The following MVD variants were observed in gnomAD, a reference collection of about 807,000 sequenced individuals.
The protein encoded by MVD is mevalonate diphosphate decarboxylase.
Under a neutral mutation model 42.4 loss-of-function variants are expected in MVD, and 52 were observed. The observed-to-expected ratio is 1.23, with a 90% confidence interval of 0.98 to 1.55. MVD has a LOEUF of 1.55. Among genes scored for constraint, MVD ranks in the 40% most tolerant of loss-of-function variants. The probability of loss-of-function intolerance (pLI) is 0.00; values close to 1 mark genes in which losing one functional copy is unlikely to be tolerated. For synonymous variants in MVD, 287 were observed against 243.2 expected, an observed-to-expected ratio of 1.18 and a Z score of -1.68; for missense variants, 663 against 572.1, an observed-to-expected ratio of 1.16 and a Z score of -1.62.
chr16:88,653,278 C>T, intron 9 of MVD, 22 bp downstream of exon 9: 1 of 1,578,782 alleles, frequency 6.3e-7, no homozygotes, highest in Non-Finnish European at 8.6e-7. Context: ...CCCCGGGGTA[C>T]TGGGTGAGCC....
At chr16:88,653,016 C>T (rs1296574137) in intron 9 of MVD, among the ~76,000 whole-genome samples, 3 of 152,116 alleles carry the variant, frequency 2.0e-5, no homozygotes, top group Admixed American at 1.3e-4. Context: ...GCCCCCACCC[C>T]AGGCGCTCCC....
chr16:88,654,947 C>A, intron 7 of MVD, 140 bp from the exon 8 acceptor site: 1 of 921,318 alleles, frequency 1.1e-6, no homozygotes, highest in East Asian at 2.6e-5. Flanking sequence ...GGAGCTGTGA[C>A]CCCAAGTGCC....
chr16:88,656,053 A>T, intron 5 of MVD, 52 bp downstream of exon 5: 89 of 1,441,530 alleles, frequency 6.2e-5, no homozygotes, highest in Non-Finnish European at 8.0e-5. Context: ...AGCAGCCCTG[A>T]CTAGGGACAG....
intron 2 of MVD, among the ~76,000 whole-genome samples, chr16:88,658,371 C>T (rs1003364245): frequency 3.3e-5 from 5 of 152,144 alleles, no homozygotes; most frequent in South Asian, 4.1e-4. Context: ...ACAGACACTG[C>T]GTGCTGGCTG....
chr16:88,656,389 A>T, intron 4 of MVD, 85 bp from the exon 5 acceptor site: 1 of 1,409,686 alleles, frequency 7.1e-7, no homozygotes, highest in African/African-American at 1.4e-5. Flanking sequence ...AACGTCCCAC[A>T]CCCCACGGCA....
intron 4 of MVD, chr16:88,656,869 G>C (rs1308634449): frequency 7.4e-6 from 2 of 271,170 alleles, no homozygotes; most frequent in East Asian, 2.1e-4. Context: ...TGGAGTTGAG[G>C]GGTGAAGATG....
rs145441544 is a variant in MVD, at chr16:88,653,347, C to T, written c.1075G>A (p.Ala359Thr). Residue 359 changes from alanine to threonine, a missense_variant, in exon 9 of 10, where the codon GCC becomes ACC. Physicochemically the swap from Ala to Thr is moderately conservative, Grantham distance 58 (BLOSUM62 0). Coordinates refer to ENST00000301012, the MANE Select transcript of MVD (RefSeq NM_002461.3). ...ACCCCACCGGGGGTCGGCTCCATGG[C>T]CAGCGCAGCCTGAAGCTCAGCTGAG... Reference protein sequence around the residue: ...PLSAELQAALAMEPTPGGVKY... With the variant: ...PLSAELQAALTMEPTPGGVKY... 1 of 1,599,068 alleles carries T rather than the reference C, an allele frequency of 6.3e-7. No homozygotes were observed. The highest frequency in any genetic ancestry group is 1.1e-5 in the South Asian group (1 of 89,140).
chr16:88,658,927 C>T (rs1171028919), intron 1 of MVD: 2 of 572,430 alleles, frequency 3.5e-6, no homozygotes, highest in East Asian at 6.0e-5. Context: ...CAGAGCAGAG[C>T]TGGAGGCCAG....
In MVD at chr16:88,652,623, T is replaced by C. The variant is rs918451361; in HGVS notation, c.1123-18A>G. The C allele has an allele frequency of 1.3e-6, 2 of 1,549,420 alleles. No individual in the cohort carries two copies. Among genetic ancestry groups the C allele is most frequent in the African/African-American group, 2.7e-5 (2 of 73,182 alleles). On this transcript the variant is annotated intron_variant, in intron 9 of 9. Transcript: ENST00000301012. ...GGCCCCACCTGGGGATAGAAATCCATGTCAGGTCACCAGGAATGGCAGCGC... is the reference window on the plus strand; with the variant it reads ...GGCCCCACCTGGGGATAGAAATCCACGTCAGGTCACCAGGAATGGCAGCGC...
intron 2 of MVD, among the ~76,000 whole-genome samples, chr16:88,658,277 C>T (rs1908070336): frequency 2.6e-5 from 4 of 152,100 alleles, no homozygotes; most frequent in Admixed American, 2.6e-4. Flanking sequence ...CCAGGGGAGC[C>T]CCTGGGGCAC....
chr16:88,652,466 T>G lies in MVD; in HGVS notation c.*59A>C. 1.3e-6 allele frequency: 2 copies of G among 1,530,916 alleles called. No individual in the cohort carries two copies. Among genetic ancestry groups the G allele is most frequent in the Non-Finnish European group, 1.8e-6 (2 of 1,130,078 alleles). 94.8% of individuals were successfully genotyped at this position (1,530,916 alleles called of 1,614,324 possible). On this transcript the variant is annotated 3_prime_UTR_variant, in exon 10 of 10. Coordinates refer to ENST00000301012, the MANE Select transcript of MVD (RefSeq NM_002461.3). ...AGTCCGGCCAGCCCACCACATCCGC[T>G]CCCTAGCTCCGGCGAGGCCACCCCT...
chr16:88,652,526 C>T lies in MVD; in HGVS notation c.1202G>A (p.Ter401=). The change falls in exon 10 of 10, where the codon TGA becomes TAA. Residue 401 remains the stop codon, a stop_retained_variant. Transcript: ENST00000301012. Reference sequence around the variant, plus strand: ...GGCATGCGGTCCCTGCTGAGGCAGTCAGGCAGCTGGCTTCGGCAGGCCGTC... The same window carrying T: ...GGCATGCGGTCCCTGCTGAGGCAGTTAGGCAGCTGGCTTCGGCAGGCCGTC... ...GPDGLPKPAA[*] 1.3e-6 allele frequency: 2 copies of T among 1,569,842 alleles called. No homozygotes were observed. Among genetic ancestry groups the T allele is most frequent in the Non-Finnish European group, 1.7e-6 (2 of 1,157,296 alleles).
intron 4 of MVD, chr16:88,656,919 G>A (rs1907964959): frequency 3.1e-6 from 1 of 321,558 alleles, no homozygotes; most frequent in South Asian, 2.4e-5. Context: ...CTGACAGTGG[G>A]TGGGAAGCTG....
Position 88,652,555 on chromosome 16 carries a change from A to T in MVD, c.1173T>A (p.Gly391=), listed in dbSNP as rs756603121. 5 of 1,572,812 alleles carry T rather than the reference A, an allele frequency of 3.2e-6. No homozygotes were observed. In the East Asian group the frequency reaches 9.4e-5, roughly 29 times the overall value. The change falls in exon 10 of 10, where the codon GGT becomes GGA. Residue 391 remains glycine, a synonymous_variant. Transcript: ENST00000301012. ...ILDDPCAHLL[G]PDGLPKPAA ...CAGCTGGCTTCGGCAGGCCGTCAGG[A>T]CCCAGGAGGTGGGCGCAGGGGTCAT...
In MVD at chr16:88,652,558, C is replaced by A; in HGVS notation, c.1170G>T (p.Leu390=). 6.4e-7 allele frequency: 1 copy of A among 1,572,936 alleles called. No individual in the cohort carries two copies. Among genetic ancestry groups the A allele is most frequent in the Non-Finnish European group, 8.6e-7 (1 of 1,159,124 alleles). The change falls in exon 10 of 10, where the codon CTG becomes CTT. Residue 390 remains leucine, a synonymous_variant. Coordinates refer to ENST00000301012, the MANE Select transcript of MVD (RefSeq NM_002461.3). ...QILDDPCAHL[L]GPDGLPKPAA is the part of the protein sequence containing the mutation. ...CTGGCTTCGGCAGGCCGTCAGGACC[C>A]AGGAGGTGGGCGCAGGGGTCATCCA...
Position 88,661,438 on chromosome 16 carries a change from G to T in MVD, c.70+1573C>A, listed in dbSNP as rs145593436. ...GGGGTTTCACCATGTTGGCCAAGCT[G>T]GTCTCAAACTCCTGACCTCAGGTGA... On this transcript the variant is annotated intron_variant, in intron 1 of 9. Transcript: ENST00000301012. Among the ~76,000 whole-genome samples, 1,428 of 152,084 alleles carry T rather than the reference G, an allele frequency of 9.4e-3. 30 individuals carry two copies. The highest frequency in any genetic ancestry group is 0.033 in the African/African-American group (1,370 of 41,470).
intron 9 of MVD, 56 bp from the exon 10 acceptor site, chr16:88,652,661 C>A: frequency 6.7e-7 from 1 of 1,487,072 alleles, no homozygotes; most frequent in Non-Finnish European, 9.2e-7. Context: ...CATCCTGTGC[C>A]CAGCATCTGT....
chr16:88,655,580 C>G (rs1216568034), intron 6 of MVD, 76 bp downstream of exon 6: 2 of 1,531,336 alleles, frequency 1.3e-6, no homozygotes, highest in African/African-American at 2.8e-5. Context: ...ACACTCGGGC[C>G]CAGACAGAGG....
intron 4 of MVD, chr16:88,657,195 C>G: frequency 1.5e-6 from 1 of 689,090 alleles, no homozygotes; most frequent in Middle Eastern, 2.3e-4. Flanking sequence ...GCTTCTCCCC[C>G]ATCAGCCTCT....
Sources: allele counts gnomAD v4.1 joint callset (sites outside exome capture counted in the v4.1 genomes callset), GRCh38; gene constraint gnomAD v4.1.1; transcripts MANE v1.5; gene names NCBI Gene and HGNC (gene_info 2026-07-23, HGNC 2026-07-21).